The following EFR3B variants were observed in gnomAD, a reference collection of about 807,000 sequenced individuals.
EFR3B encodes the protein EFR3 homolog B, also known as protein EFR3 homolog B.
EFR3B carries 64 observed loss-of-function variants against 104.7 expected under a neutral mutation model. The observed-to-expected ratio is 0.61, with a 90% CI of 0.50 to 0.75. The LOEUF is 0.75. Ranked by LOEUF, EFR3B falls within the 30% of genes least tolerant of loss-of-function variation. EFR3B has a pLI of 0.00. For synonymous variants in EFR3B, 385 were observed against 417.9 expected, an observed-to-expected ratio of 0.92 and a Z score of 0.96; for missense variants, 750 against 1,078.5, an observed-to-expected ratio of 0.70 and a Z score of 4.27.
chr2:25,079,214 A>G (rs1388988108), intron 1 of EFR3B, among the ~76,000 whole-genome samples: 2 of 152,248 alleles, frequency 1.3e-5, no homozygotes, highest in Non-Finnish European at 2.9e-5. Flanking sequence ...TATTTGCCTT[A>G]GAGCTACATA....
In EFR3B at chr2:25,042,754, G is replaced by A. The variant is rs1449389288; in HGVS notation, c.7+435G>A. ...GTCGTCTGCGCGGCTCGGAGAAGGC[G>A]GGAGGCGGCGCCGGCGGCGCAGAGG... On this transcript the variant is annotated intron_variant, in intron 1 of 22. Coordinates refer to ENST00000403714, the MANE Select transcript of EFR3B (RefSeq NM_014971.2). The surrounding 1 kb of genome is among the most constrained non-coding windows in gnomAD (Gnocchi z 5.4). The A allele has an allele frequency of 1.7e-5, 16 of 958,052 alleles. No individual in the cohort carries two copies. The highest frequency in any genetic ancestry group is 5.3e-4 in the Middle Eastern group (1 of 1,896). 59.3% of individuals were successfully genotyped at this position (958,052 alleles called of 1,614,324 possible). A position where few individuals can be genotyped will look rare whatever the true frequency, so the allele number is the denominator to read the frequency against.
At chr2:25,071,219 C>T (rs1173372550) in intron 1 of EFR3B, among the ~76,000 whole-genome samples, 1 of 149,650 alleles carries the variant, frequency 6.7e-6, no homozygotes, top group Non-Finnish European at 1.5e-5. Context: ...CTTGGCCTCC[C>T]AAAGTGCTGG....
chr2:25,062,930 C>CT (rs1270364617), intron 1 of EFR3B, among the ~76,000 whole-genome samples: 146 of 143,606 alleles, frequency 1.0e-3, no homozygotes, highest in Middle Eastern at 7.1e-3. Context: ...TTTTCTTTTT[C>CT]TTTTTTTTTT....
chr2:25,086,516 T>C (rs112034952), intron 1 of EFR3B, among the ~76,000 whole-genome samples: 1 of 152,210 alleles, frequency 6.6e-6, no homozygotes, highest in Admixed American at 6.5e-5. Flanking sequence ...TGACATATGA[T>C]GTGGAGCATC....
intron 4 of EFR3B, among the ~76,000 whole-genome samples, chr2:25,106,323 T>C (rs1669561400): frequency 6.6e-6 from 1 of 152,130 alleles, no homozygotes; most frequent in African/African-American, 2.4e-5. Context: ...AGAGCCTCGC[T>C]GTGTCACCCC....
Position 25,093,117 on chromosome 2 carries a change from C to T in EFR3B, c.199C>T (p.Arg67Cys), listed in dbSNP as rs1274803081. The change falls in exon 3 of 23, where the codon CGC becomes TGC. Residue 67 changes from arginine (R) to cysteine (C), a missense_variant. Arg to Cys is a radical substitution (Grantham distance 180). Transcript: ENST00000403714. ...TGAGAGGCTCATCCGTGACGTGGGT[C>T]GCCATCGATATGGGTAAGTAGTTTG... The part of the protein sequence containing the change: ...LSERLIRDVG[R>C]HRYGYVCIAM... The T allele has an allele frequency of 3.9e-6, 6 of 1,551,652 alleles. No individual in the cohort carries two copies. Among genetic ancestry groups the T allele is most frequent in the Non-Finnish European group, 5.2e-6 (6 of 1,147,104 alleles).
intron 1 of EFR3B, among the ~76,000 whole-genome samples, chr2:25,049,375 G>T (rs1227689241): frequency 6.6e-6 from 1 of 152,204 alleles, no homozygotes; most frequent in African/African-American, 2.4e-5. Flanking sequence ...AGGGATATAA[G>T]CTATCAAGTA....
Position 25,136,903 on chromosome 2 carries a change from A to C in EFR3B, c.1560+305A>C, listed in dbSNP as rs766580232. ...TGTACTTCAGCCTGGGTGACAGAGC[A>C]AAAGTCACTGCTGACCACTGACTGC... On this transcript the variant is annotated intron_variant, in intron 14 of 22. Transcript: ENST00000403714. This position sits in a 1 kb window ranked among gnomAD's most constrained non-coding sequence, Gnocchi z 4.0. Among the ~76,000 whole-genome samples, 4 of 152,154 alleles carry C rather than the reference A, an allele frequency of 2.6e-5. No individual in the cohort carries two copies. Among genetic ancestry groups the C allele is most frequent in the Non-Finnish European group, 5.9e-5 (4 of 68,022 alleles).
At chr2:25,097,717 G>A (rs1042350974) in intron 3 of EFR3B, among the ~76,000 whole-genome samples, 3 of 152,184 alleles carry the variant, frequency 2.0e-5, no homozygotes, top group Non-Finnish European at 4.4e-5. Flanking sequence ...AGCAAAAACC[G>A]AGCAGTCCTT....
intron 1 of EFR3B, among the ~76,000 whole-genome samples, chr2:25,063,669 A>G (rs1352068387): frequency 1.3e-5 from 2 of 152,208 alleles, no homozygotes; most frequent in Non-Finnish European, 2.9e-5. Flanking sequence ...CAAACCTCCT[A>G]ACCGATTGTG....
chr2:25,045,314 C>T (rs78956829), intron 1 of EFR3B, among the ~76,000 whole-genome samples: 1 of 152,316 alleles, frequency 6.6e-6, no homozygotes, highest in East Asian at 1.9e-4. Flanking sequence ...CCATCAGTTT[C>T]TGGAAATGGC....
chr2:25,050,326 G>C (rs1053672274), intron 1 of EFR3B, among the ~76,000 whole-genome samples: 9 of 152,096 alleles, frequency 5.9e-5, no homozygotes, highest in Admixed American at 5.2e-4. Flanking sequence ...CAGAGGAGGA[G>C]ACAGTTGTTG....
rs576922756 is a variant in EFR3B, at chr2:25,114,162, C to T, written c.364-7511C>T. On this transcript the variant is annotated intron_variant, in intron 4 of 22. Transcript: ENST00000403714. This position sits in a 1 kb window ranked among gnomAD's most constrained non-coding sequence, Gnocchi z 4.0. ...CCAGGGCCCCCGGGAAAAACCCCATCAGACCCTCTGAATCACTGTCACCAA... is the reference window on the plus strand; with the variant it reads ...CCAGGGCCCCCGGGAAAAACCCCATTAGACCCTCTGAATCACTGTCACCAA... Among the ~76,000 whole-genome samples, 2 of 152,328 alleles carry T rather than the reference C, an allele frequency of 1.3e-5. No individual in the cohort carries two copies. The highest frequency in any genetic ancestry group is 3.9e-4 in the East Asian group (2 of 5,184).
intron 19 of EFR3B, among the ~76,000 whole-genome samples, chr2:25,148,799 GTAGTCC>G (rs1276183192): frequency 6.6e-6 from 1 of 151,006 alleles, no homozygotes; most frequent in Non-Finnish European, 1.5e-5. Context: ...GTGGGCGCCT[GTAGTCC>G]CAGCTACTTG....
At chr2:25,078,023 A>C (rs537139543) in intron 1 of EFR3B, among the ~76,000 whole-genome samples, 34 of 152,272 alleles carry the variant, frequency 2.2e-4, no homozygotes, top group African/African-American at 6.7e-4. Flanking sequence ...TTAAACTCAG[A>C]GATTTCTTCA....
At chr2:25,064,174 C>T (rs143149378) in intron 1 of EFR3B, among the ~76,000 whole-genome samples, 5 of 152,356 alleles carry the variant, frequency 3.3e-5, no homozygotes, top group East Asian at 1.9e-4. Context: ...CTCTACGTTT[C>T]GGAGGCTCTG....
chr2:25,143,568 G>A (rs1370056272), intron 17 of EFR3B, among the ~76,000 whole-genome samples, 167 bp from the exon 18 acceptor site: 4 of 152,064 alleles, frequency 2.6e-5, no homozygotes, highest in African/African-American at 9.7e-5. Flanking sequence ...GCTGAGGCAG[G>A]AGAATCGCTT....
chr2:25,154,227 C>T lies in EFR3B; in HGVS notation c.2349-8C>T. 1 of 1,551,252 alleles carries T rather than the reference C, an allele frequency of 6.4e-7. No individual in the cohort carries two copies. Reference sequence around the variant, plus strand: ...ATGCCTTTCTCCCCATGTGTTCCTGCCCCCTAGGCCCCCACCAAGCCCATC... The same window carrying T: ...ATGCCTTTCTCCCCATGTGTTCCTGTCCCCTAGGCCCCCACCAAGCCCATC... On this transcript the variant is annotated splice_polypyrimidine_tract_variant and splice_region_variant and intron_variant, in intron 22 of 22. Coordinates refer to ENST00000403714, the MANE Select transcript of EFR3B (RefSeq NM_014971.2). This position sits in a 1 kb window ranked among gnomAD's most constrained non-coding sequence, Gnocchi z 4.1.
rs1670216076 is a variant in EFR3B, at chr2:25,128,100, GCTGTGC to G, written c.486-82_486-77del. On this transcript the variant is annotated intron_variant, in intron 5 of 22. Transcript: ENST00000403714. ...GGACAAATGTATCCCTGACTCCTAA[GCTGTGC>G]TCTTCTCTTAGCCACCGAAGCTGGA... The G allele has an allele frequency of 3.2e-5, 47 of 1,483,092 alleles. No individual in the cohort carries two copies. In the East Asian group the frequency reaches 1.1e-3, roughly 36 times the overall value. 91.9% of individuals were successfully genotyped at this position (1,483,092 alleles called of 1,614,324 possible). A position where few individuals can be genotyped will look rare whatever the true frequency, so the allele number is the denominator to read the frequency against.
Sources: gnomAD v4.1 joint callset for allele counts (sites outside exome capture counted in the v4.1 genomes callset) on GRCh38, gnomAD v4.1.1 for gene constraint, Gnocchi (gnomAD v3.1) non-coding constraint, MANE v1.5 for transcripts, NCBI Gene and HGNC (gene_info 2026-07-23, HGNC 2026-07-21) for gene names.